Variants in CHN1 observed in about 807,000 individuals in gnomAD.
CHN1 encodes the protein N-chimaerin.
In CHN1, 37 loss-of-function variants were observed where a neutral mutation model predicts 59.5. The ratio of observed to expected loss-of-function variants is 0.62; its 90% confidence interval spans 0.48 to 0.82. The LOEUF (loss-of-function observed/expected upper bound fraction) is 0.82, where lower values mean the gene tolerates loss of function less well. Ranked by LOEUF, CHN1 falls within the 40% of genes least tolerant of loss-of-function variation. The pLI is 0.00. For missense variants in CHN1, 469 were observed against 571.0 expected (o/e 0.82, Z 1.82); for synonymous variants, 206 against 200.4 (o/e 1.03, Z -0.24).
chr2:174,960,851 GCA>G (rs1211075531), intron 1 of CHN1, among the ~76,000 whole-genome samples: 1 of 152,098 alleles, frequency 6.6e-6, no homozygotes, highest in African/African-American at 2.4e-5. Context: ...ACACAGCTGG[GCA>G]CAGTGGCTCA....
At chr2:174,883,441 T>C (rs1216511113) in intron 5 of CHN1, among the ~76,000 whole-genome samples, 1 of 152,236 alleles carries the variant, frequency 6.6e-6, no homozygotes. Context: ...GTACCTTTCC[T>C]GATAGGAGAC....
chr2:174,960,247 T>C (rs1690355631), intron 1 of CHN1, among the ~76,000 whole-genome samples: 1 of 152,116 alleles, frequency 6.6e-6, no homozygotes, highest in Non-Finnish European at 1.5e-5. Context: ...GTTAGAAAAA[T>C]ATTAATACAG....
chr2:174,969,050 A>G (rs1456395462), intron 1 of CHN1, among the ~76,000 whole-genome samples: 1 of 152,186 alleles, frequency 6.6e-6, no homozygotes, highest in African/African-American at 2.4e-5. Context: ...AAAATATACT[A>G]TATATATGTG....
rs765574504 is a variant in CHN1, at chr2:174,878,077, A to G, written c.312T>C (p.Phe104=). 1.9e-6 allele frequency: 3 copies of G among 1,611,846 alleles called. No homozygotes were observed. The highest frequency in any genetic ancestry group is 1.1e-5 in the South Asian group (1 of 90,668). Residue 104 remains phenylalanine, a synonymous_variant, in exon 6 of 13, where the codon TTT becomes TTC. Coordinates refer to ENST00000409900, the MANE Select transcript of CHN1 (RefSeq NM_001822.7). ...NFRLYYDGKH[F]VGEKRFESIH... ...TGGACTCAAAGCGTTTCTCCCCAACAAAGTGCTTGCCATCGTAGTAGAGCC... is the reference window on the plus strand; with the variant it reads ...TGGACTCAAAGCGTTTCTCCCCAACGAAGTGCTTGCCATCGTAGTAGAGCC...
At chr2:174,800,487 A>G (rs2600673) in intron 12 of CHN1, among the ~76,000 whole-genome samples, 200 bp from the exon 13 acceptor site, 81,051 of 152,080 alleles carry the variant, frequency 0.53, 22,457 homozygotes, top group African/African-American at 0.65. Flanking sequence ...AACTTGTGGT[A>G]ATCACTGAGG....
intron 4 of CHN1, among the ~76,000 whole-genome samples, 166 bp downstream of exon 4, chr2:174,918,368 T>C (rs1688910770): frequency 6.6e-6 from 1 of 152,262 alleles, no homozygotes; most frequent in Non-Finnish European, 1.5e-5. Context: ...CTTGTCTTTA[T>C]TGTCTATATT....
intron 5 of CHN1, among the ~76,000 whole-genome samples, chr2:174,906,592 T>C (rs1688550439): frequency 1.3e-5 from 2 of 152,154 alleles, no homozygotes; most frequent in Admixed American, 6.5e-5. Flanking sequence ...TGCTATGCTA[T>C]ATAACTGAAG....
chr2:174,929,582 A>C (rs1369774661), intron 3 of CHN1, among the ~76,000 whole-genome samples: 1 of 152,128 alleles, frequency 6.6e-6, no homozygotes, highest in African/African-American at 2.4e-5. Flanking sequence ...TATTTCAAAA[A>C]AAAAAAGGAA....
At chr2:174,806,621 C>T (rs1234430161) in intron 11 of CHN1, among the ~76,000 whole-genome samples, 1 of 152,072 alleles carries the variant, frequency 6.6e-6, no homozygotes, top group Admixed American at 6.5e-5. Context: ...ATGCCATTGC[C>T]GCCGCCCCTA....
intron 6 of CHN1, among the ~76,000 whole-genome samples, chr2:174,854,355 T>C (rs1216943043): frequency 6.6e-6 from 1 of 151,736 alleles, no homozygotes; most frequent in African/African-American, 2.4e-5. Flanking sequence ...AGGAGCAGTG[T>C]GAGGAATAAG....
intron 8 of CHN1, among the ~76,000 whole-genome samples, chr2:174,822,823 G>A (rs917948178): frequency 6.6e-6 from 1 of 152,208 alleles, no homozygotes; most frequent in African/African-American, 2.4e-5. Context: ...GCCACAGCAA[G>A]GCTTTCCTCA....
intron 1 of CHN1, among the ~76,000 whole-genome samples, chr2:174,970,890 T>G (rs1183262874): frequency 2.0e-5 from 3 of 152,222 alleles, no homozygotes; most frequent in Non-Finnish European, 4.4e-5. Context: ...GGCCAGATTT[T>G]CTTCATATAT....
At chr2:174,839,956 CA>C (rs1047749452) in intron 7 of CHN1, among the ~76,000 whole-genome samples, 3 of 148,356 alleles carry the variant, frequency 2.0e-5, no homozygotes, top group East Asian at 2.0e-4. Context: ...TTATCACACA[CA>C]AAAAAAAATC....
chr2:174,907,506 C>A (rs751082936), intron 5 of CHN1, among the ~76,000 whole-genome samples: 1 of 151,904 alleles, frequency 6.6e-6, no homozygotes, highest in Non-Finnish European at 1.5e-5. Flanking sequence ...TTGTTACATT[C>A]TGTTTAGTGT....
At chr2:174,964,942 C>T (rs983943351) in intron 1 of CHN1, among the ~76,000 whole-genome samples, 2 of 151,972 alleles carry the variant, frequency 1.3e-5, no homozygotes, top group African/African-American at 2.4e-5. Flanking sequence ...ATCTTTTGTG[C>T]TGCTTTTTCT....
At chr2:174,911,344 G>A (rs1038035494) in intron 5 of CHN1, among the ~76,000 whole-genome samples, 3 of 152,136 alleles carry the variant, frequency 2.0e-5, no homozygotes, top group African/African-American at 7.2e-5. Flanking sequence ...TACAAATGTT[G>A]TCAAAATCAG....
At chr2:174,821,436 C>G (rs972961959) in intron 8 of CHN1, among the ~76,000 whole-genome samples, 4 of 152,180 alleles carry the variant, frequency 2.6e-5, no homozygotes, top group African/African-American at 9.7e-5. Context: ...TATACTAGGC[C>G]TCCCTTGACA....
chr2:174,858,872 G>A lies in CHN1; in HGVS notation c.550-11915C>T, dbSNP rs530961340. Among the ~76,000 whole-genome samples, 11 of 151,902 alleles carry A rather than the reference G, an allele frequency of 7.2e-5. 1 individual carries two copies. Among genetic ancestry groups the A allele is most frequent in the Non-Finnish European group, 1.6e-4 (11 of 67,970 alleles). On this transcript the variant is annotated intron_variant, in intron 6 of 12. Coordinates refer to ENST00000409900, the MANE Select transcript of CHN1 (RefSeq NM_001822.7). ...AAAGGAAGACACAGAAAGTCAGACT[G>A]CAACAAGTGGCACTTGTGAGGAAGA... is the stretch of plus-strand genomic sequence containing the variant.
intron 3 of CHN1, among the ~76,000 whole-genome samples, chr2:174,929,092 A>G (rs1423521119): frequency 6.6e-6 from 1 of 152,186 alleles, no homozygotes; most frequent in Non-Finnish European, 1.5e-5. Context: ...CTGCCTTCCT[A>G]CCCAGTGCTA....
Sources: allele counts gnomAD v4.1 joint callset (sites outside exome capture counted in the v4.1 genomes callset), GRCh38; gene constraint gnomAD v4.1.1; transcripts MANE v1.5; gene names NCBI Gene and HGNC (gene_info 2026-07-23, HGNC 2026-07-21).